The following MICAL3 variants were observed in gnomAD, a reference collection of about 807,000 sequenced individuals.
The protein encoded by MICAL3 is [F-actin]-monooxygenase MICAL3.
A neutral mutation model predicts 207.4 loss-of-function variants in MICAL3; 62 were observed. That is an observed-to-expected ratio of 0.30 (90% confidence interval 0.24 to 0.37). The LOEUF (loss-of-function observed/expected upper bound fraction) is 0.37. Among genes scored for constraint, MICAL3 ranks in the 10% least tolerant of loss-of-function variants. MICAL3 has a pLI of 1.00. For synonymous variants in MICAL3, 1,077 were observed against 1,069.3 expected (o/e 1.01, Z -0.14); for missense variants, 2,368 against 2,635.6 (o/e 0.90, Z 2.22).
intron 1 of MICAL3, among the ~76,000 whole-genome samples, chr22:17,950,960 C>T (rs1373087519): frequency 6.6e-6 from 1 of 152,094 alleles, no homozygotes; most frequent in Non-Finnish European, 1.5e-5. Context: ...AAAGGAAATC[C>T]CACTGTCAGC....
intron 1 of MICAL3, among the ~76,000 whole-genome samples, chr22:17,960,281 C>T (rs1934843657): frequency 6.6e-6 from 1 of 152,214 alleles, no homozygotes; most frequent in African/African-American, 2.4e-5. Flanking sequence ...CGATTCATGT[C>T]CTCTTCCCCT....
intron 1 of MICAL3, among the ~76,000 whole-genome samples, chr22:17,937,414 G>A (rs1602252089): frequency 6.6e-6 from 1 of 151,862 alleles, no homozygotes; most frequent in Admixed American, 6.6e-5. Context: ...CTGTAATCCC[G>A]GCACTTTGGG....
chr22:17,996,267 G>A (rs1163467899), intron 1 of MICAL3, among the ~76,000 whole-genome samples: 1 of 151,356 alleles, frequency 6.6e-6, no homozygotes, highest in Non-Finnish European at 1.5e-5. Context: ...GTGAAACCTT[G>A]TCTCTACTAA....
chr22:17,893,932 A>G (rs1602164125), intron 10 of MICAL3, 28 bp from the exon 11 acceptor site: 2 of 1,482,388 alleles, frequency 1.3e-6, no homozygotes, highest in East Asian at 2.5e-5. Flanking sequence ...AGTCAAACAG[A>G]AAGAAAATCA....
In MICAL3 at chr22:17,822,036, CTT is replaced by C; in HGVS notation, c.3440_3441del (p.Gln1147ArgfsTer47). 6.2e-7 allele frequency: 1 copy of C among 1,613,870 alleles called. No individual in the cohort carries two copies. Among genetic ancestry groups the C allele is most frequent in the Non-Finnish European group, 8.5e-7 (1 of 1,179,816 alleles). On this transcript the variant is annotated frameshift_variant, in exon 24 of 32. Coordinates refer to ENST00000441493, the MANE Select transcript of MICAL3 (RefSeq NM_015241.3). LOFTEE classifies it high-confidence loss of function. ...CCATCAAAGACAGGCTCACCTCTCTCTTGGTGCTTCGGTGAGGCGGGCAGCTT... is the reference window on the plus strand; with the variant it reads ...CCATCAAAGACAGGCTCACCTCTCTCGGTGCTTCGGTGAGGCGGGCAGCTT... ...EEKLPASPKH[Q>X]ERGPSQATSP...
intron 1 of MICAL3, chr22:18,019,698 A>T (rs1052580919): frequency 3.4e-5 from 5 of 145,226 alleles, no homozygotes; most frequent in African/African-American, 1.3e-4. Context: ...CTGTCTCAAA[A>T]ATTAAAAAAA....
At chr22:17,812,613 A>C (rs1391365405) in intron 27 of MICAL3, 1 of 837,426 alleles carries the variant, frequency 1.2e-6, no homozygotes, top group East Asian at 1.2e-4. Context: ...AATAATGATT[A>C]ACAAATTAAA....
At chr22:17,833,499 T>C (rs113981395) in intron 20 of MICAL3, among the ~76,000 whole-genome samples, 311 of 152,276 alleles carry the variant, frequency 2.0e-3, no homozygotes, top group African/African-American at 6.9e-3. Context: ...AACCAGTAAA[T>C]ACACCACGAT....
chr22:17,850,400 G>GTTTTTTTTTTTTTTTTTTTTTT (rs565667574), intron 19 of MICAL3, among the ~76,000 whole-genome samples: 1 of 74,386 alleles, frequency 1.3e-5, no homozygotes, highest in Non-Finnish European at 2.6e-5. Flanking sequence ...TTTTGAATTA[G>GTTTTTTTTTTTTTTTTTTTTTT]TTTTTTTTTT....
intron 29 of MICAL3, among the ~76,000 whole-genome samples, chr22:17,794,918 C>A (rs529807180): frequency 3.3e-5 from 5 of 152,106 alleles, no homozygotes; most frequent in Admixed American, 6.5e-5. Flanking sequence ...CCTCGGCCCG[C>A]GGGGAGGGCA....
At chr22:17,884,865 G>C (rs1929737358) in intron 16 of MICAL3, among the ~76,000 whole-genome samples, 1 of 152,150 alleles carries the variant, frequency 6.6e-6, no homozygotes, top group Non-Finnish European at 1.5e-5. Context: ...AGATGTGGGA[G>C]GTAGTTAATT....
intron 29 of MICAL3, 143 bp from the exon 30 acceptor site, chr22:17,791,444 G>A (rs1468327252): frequency 1.4e-6 from 1 of 715,022 alleles, no homozygotes; most frequent in African/African-American, 1.7e-5. Context: ...AGGTTTGCCT[G>A]CAGCCATGGG....
chr22:17,808,022 C>G (rs1305118869), intron 29 of MICAL3, among the ~76,000 whole-genome samples: 1 of 152,278 alleles, frequency 6.6e-6, no homozygotes, highest in Admixed American at 6.5e-5. Context: ...GTGGCCACTG[C>G]ACCCCCGGGG....
chr22:17,868,312 TTTAAA>T (rs1927354849), intron 17 of MICAL3, among the ~76,000 whole-genome samples: 2 of 151,784 alleles, frequency 1.3e-5, no homozygotes, highest in Admixed American at 1.3e-4. Flanking sequence ...CTTTTTGCTT[TTTAAA>T]TTAAAAAAAA....
chr22:17,805,409 A>G (rs552028988), intron 29 of MICAL3, among the ~76,000 whole-genome samples: 4 of 152,398 alleles, frequency 2.6e-5, no homozygotes, highest in Non-Finnish European at 5.9e-5. Context: ...GAGAAGGAAC[A>G]TATTTGGAAA....
At chr22:18,021,880 T>G (rs1320404972) in intron 1 of MICAL3, among the ~76,000 whole-genome samples, 1 of 152,174 alleles carries the variant, frequency 6.6e-6, no homozygotes, top group Non-Finnish European at 1.5e-5. Context: ...GACTGAGCCG[T>G]GCCCAAGAGT....
intron 16 of MICAL3, among the ~76,000 whole-genome samples, chr22:17,883,084 G>T (rs534881471): frequency 4.6e-5 from 7 of 152,228 alleles, no homozygotes; most frequent in Non-Finnish European, 8.8e-5. Context: ...AGAGGTTTTG[G>T]AATCCAATTT....
At chr22:17,905,484 C>T (rs1043830150) in intron 2 of MICAL3, among the ~76,000 whole-genome samples, 1 of 152,192 alleles carries the variant, frequency 6.6e-6, no homozygotes, top group Non-Finnish European at 1.5e-5. Flanking sequence ...GGAAGGAAAA[C>T]GTGCAATGCT....
chr22:17,798,107 G>A (rs998729656), intron 29 of MICAL3, among the ~76,000 whole-genome samples: 4 of 152,252 alleles, frequency 2.6e-5, no homozygotes, highest in Admixed American at 6.5e-5. Context: ...GTTAGGTCCT[G>A]GAGTGTCACC....
Sources: gnomAD v4.1 joint callset for allele counts (sites outside exome capture counted in the v4.1 genomes callset) on GRCh38, gnomAD v4.1.1 for gene constraint, MANE v1.5 for transcripts, NCBI Gene and HGNC (gene_info 2026-07-23, HGNC 2026-07-21) for gene names.